The following DCC variants were observed in gnomAD, a reference collection of about 807,000 sequenced individuals.
The protein encoded by DCC is DCC netrin 1 receptor.
DCC carries 58 observed loss-of-function variants against 172.5 expected under a neutral mutation model. That is an observed-to-expected ratio of 0.34 (90% CI 0.27 to 0.42). DCC has a LOEUF of 0.42. Ranked by LOEUF, DCC falls within the 10% of genes least tolerant of loss-of-function variation. DCC has a pLI of 1.00. For synonymous variants in DCC, 709 were observed against 644.5 expected (o/e 1.10, Z -1.52); for missense variants, 1,740 against 1,791.0 (o/e 0.97, Z 0.51).
chr18:53,340,838 G>C (rs542011545), intron 15 of DCC, among the ~76,000 whole-genome samples: 47 of 152,210 alleles, frequency 3.1e-4, no homozygotes, highest in Admixed American at 1.0e-3. Flanking sequence ...AGGGTGTAGG[G>C]GGTGGGGGGA....
chr18:53,014,891 G>A (rs1447984119), intron 5 of DCC, among the ~76,000 whole-genome samples: 1 of 152,116 alleles, frequency 6.6e-6, no homozygotes, highest in Non-Finnish European at 1.5e-5. Flanking sequence ...GTAATGTAGA[G>A]GAATTGACAT....
chr18:52,379,623 T>C lies in DCC; in HGVS notation c.91+38745T>C, dbSNP rs758224522. Among the ~76,000 whole-genome samples, 122 of 152,336 alleles carry C rather than the reference T, an allele frequency of 8.0e-4. 3 individuals carry two copies. The highest frequency in any genetic ancestry group is 5.1e-4 in the Non-Finnish European group (35 of 68,032). On this transcript the variant is annotated intron_variant, in intron 1 of 28. Coordinates refer to ENST00000442544, the MANE Select transcript of DCC (RefSeq NM_005215.4). The stretch of plus-strand genomic sequence containing the variant: ...ATCACTTAATGGCAGAAAGTCTTTC[T>C]AGTAATTTTTGTTATTTTTCTTCCA...
At chr18:53,457,607 GAGT>G (rs1295558121) in intron 23 of DCC, among the ~76,000 whole-genome samples, 2 of 152,154 alleles carry the variant, frequency 1.3e-5, no homozygotes, top group African/African-American at 4.8e-5. Context: ...AAGTTACCAG[GAGT>G]AGATTACACA....
intron 2 of DCC, among the ~76,000 whole-genome samples, chr18:52,767,626 G>T (rs765042162): frequency 5.3e-5 from 8 of 151,974 alleles, no homozygotes; most frequent in Non-Finnish European, 1.2e-4. Context: ...ACTTTATTTT[G>T]CCCGAAGGTC....
chr18:53,363,963 TATA>T (rs2057975159), intron 15 of DCC, among the ~76,000 whole-genome samples: 1 of 152,196 alleles, frequency 6.6e-6, no homozygotes, highest in African/African-American at 2.4e-5. Context: ...TCATTAACGT[TATA>T]ATAACAACAA....
At chr18:53,384,853 T>G (rs909820984) in intron 15 of DCC, among the ~76,000 whole-genome samples, 9 of 151,772 alleles carry the variant, frequency 5.9e-5, no homozygotes, top group African/African-American at 1.9e-4. Context: ...AATAATTTTT[T>G]TTTCTTTTTT....
At chr18:53,003,999 T>C (rs1183475040) in intron 5 of DCC, among the ~76,000 whole-genome samples, 1 of 152,204 alleles carries the variant, frequency 6.6e-6, no homozygotes, top group Non-Finnish European at 1.5e-5. Flanking sequence ...CACTCAGCTA[T>C]TCACCACTAC....
At chr18:52,832,068 T>C (rs1250325912) in intron 2 of DCC, among the ~76,000 whole-genome samples, 1 of 152,184 alleles carries the variant, frequency 6.6e-6, no homozygotes, top group Admixed American at 6.5e-5. Flanking sequence ...TTTTTCAGAC[T>C]GGTGGGTTAT....
intron 7 of DCC, among the ~76,000 whole-genome samples, chr18:53,098,515 C>G (rs1379491183): frequency 6.6e-6 from 1 of 152,116 alleles, no homozygotes; most frequent in Non-Finnish European, 1.5e-5. Flanking sequence ...ATGAATTTAT[C>G]CAGTGTTTCG....
intron 2 of DCC, among the ~76,000 whole-genome samples, chr18:52,892,870 A>C (rs1394691671): frequency 1.3e-5 from 2 of 152,160 alleles, no homozygotes; most frequent in Non-Finnish European, 1.5e-5. Context: ...ATTTTCCCCC[A>C]GTAGGTACTT....
intron 2 of DCC, among the ~76,000 whole-genome samples, chr18:52,843,942 C>T (rs1167935913): frequency 2.0e-5 from 3 of 152,062 alleles, no homozygotes; most frequent in East Asian, 3.9e-4. Context: ...TTTAATCCTC[C>T]TTAGAAAATT....
chr18:52,774,876 C>T (rs534059199), intron 2 of DCC, among the ~76,000 whole-genome samples: 32 of 152,346 alleles, frequency 2.1e-4, no homozygotes, highest in African/African-American at 7.5e-4. Flanking sequence ...GCCAAATCCT[C>T]ACTTTACTTA....
chr18:53,127,483 A>G (rs1178817453), intron 7 of DCC, among the ~76,000 whole-genome samples: 1 of 151,998 alleles, frequency 6.6e-6, no homozygotes. Flanking sequence ...AGAAATCCAC[A>G]TTCAATGGTT....
chr18:53,389,785 GTA>G (rs1908423241), intron 16 of DCC, among the ~76,000 whole-genome samples: 1 of 152,144 alleles, frequency 6.6e-6, no homozygotes, highest in African/African-American at 2.4e-5. Context: ...GTCATGAATA[GTA>G]TACCCATTTA....
intron 1 of DCC, among the ~76,000 whole-genome samples, chr18:52,531,390 A>G (rs934547240): frequency 3.3e-5 from 5 of 152,202 alleles, no homozygotes; most frequent in Non-Finnish European, 5.9e-5. Flanking sequence ...ATTTGCCAAA[A>G]CTTAGTTAAC....
intron 26 of DCC, among the ~76,000 whole-genome samples, chr18:53,489,311 G>A (rs2045935864): frequency 6.6e-6 from 1 of 152,124 alleles, no homozygotes; most frequent in Non-Finnish European, 1.5e-5. Context: ...ACAATGCAAA[G>A]CAACTAAGAT....
At chr18:53,269,542 A>G (rs369990201) in intron 12 of DCC, among the ~76,000 whole-genome samples, 23 of 152,324 alleles carry the variant, frequency 1.5e-4, no homozygotes, top group African/African-American at 5.1e-4. Context: ...AAGGCATAGA[A>G]TGTTAAGAAT....
At position 53,373,875 on chromosome 18, in the gene DCC, A is replaced by T. The variant is rs547199829; in HGVS notation, c.2360-12168A>T. On this transcript the variant is annotated intron_variant, in intron 15 of 28. Coordinates refer to ENST00000442544, the MANE Select transcript of DCC (RefSeq NM_005215.4). ...ATAAGGCAAATGCTTTATTTTTGTT[A>T]TCTTCAAGTGTGATATATGTATGCA... Among the ~76,000 whole-genome samples the T allele has an allele frequency of 5.7e-5, 6 of 104,404 alleles. No homozygotes were observed. In the East Asian group the frequency reaches 1.4e-3, roughly 24 times the overall value. 68.5% of individuals were successfully genotyped at this position (104,404 alleles called of 152,430 possible).
chr18:52,351,221 A>G (rs532093438), intron 1 of DCC, among the ~76,000 whole-genome samples: 14 of 152,270 alleles, frequency 9.2e-5, no homozygotes, highest in African/African-American at 3.4e-4. Flanking sequence ...GAATTCCAAG[A>G]TCAGTGTACC....
Sources: allele counts gnomAD v4.1 joint callset (sites outside exome capture counted in the v4.1 genomes callset), GRCh38; gene constraint gnomAD v4.1.1; transcripts MANE v1.5; gene names NCBI Gene and HGNC (gene_info 2026-07-23, HGNC 2026-07-21).